The following GABRG2 variants were observed in gnomAD, a reference collection of about 807,000 sequenced individuals.
GABRG2 encodes gamma-aminobutyric acid type A receptor subunit gamma2.
A neutral mutation model predicts 56.4 loss-of-function variants in GABRG2; 16 were observed. The observed-to-expected ratio is 0.28, with a 90% CI of 0.19 to 0.43. GABRG2 has a LOEUF of 0.43. Among genes scored for constraint, GABRG2 ranks in the 20% least tolerant of loss-of-function variants. The pLI, the probability that GABRG2 is intolerant of heterozygous loss-of-function variation, is 1.00. For missense variants in GABRG2, 327 were observed against 582.7 expected (o/e 0.56, Z 4.52); for synonymous variants, 208 against 205.5 (o/e 1.01, Z -0.10).
chr5:162,096,809 T>A (rs1761032693), intron 3 of GABRG2, among the ~76,000 whole-genome samples: 1 of 152,078 alleles, frequency 6.6e-6, no homozygotes, highest in African/African-American at 2.4e-5. Flanking sequence ...TGGAAATAAT[T>A]ACAGTAATTT....
intron 1 of GABRG2, among the ~76,000 whole-genome samples, chr5:162,068,532 G>T (rs943518544): frequency 6.6e-6 from 1 of 151,112 alleles, no homozygotes; most frequent in Non-Finnish European, 1.5e-5. Flanking sequence ...GTGTGAGGGA[G>T]CTGGGGGGAG....
chr5:162,144,412 T>A (rs1425677154), intron 7 of GABRG2, among the ~76,000 whole-genome samples: 1 of 152,184 alleles, frequency 6.6e-6, no homozygotes, highest in Non-Finnish European at 1.5e-5. Context: ...AGTAAATAAG[T>A]GTTCACTGGC....
intron 1 of GABRG2, among the ~76,000 whole-genome samples, chr5:162,085,311 G>T (rs1224563868): frequency 6.6e-6 from 1 of 151,928 alleles, no homozygotes; most frequent in Non-Finnish European, 1.5e-5. Flanking sequence ...ATACACAAAT[G>T]AGAAAGTGAA....
intron 5 of GABRG2, chr5:162,101,655 C>T (rs1269895074): frequency 3.3e-6 from 1 of 305,350 alleles, no homozygotes; most frequent in Non-Finnish European, 6.2e-6. Flanking sequence ...ATTATATATC[C>T]TCTTCCTTTC....
intron 6 of GABRG2, among the ~76,000 whole-genome samples, chr5:162,109,420 A>ATATATATATATATATATATTTATTTATT (rs1424412323): frequency 1.7e-5 from 2 of 116,138 alleles, no homozygotes; most frequent in East Asian, 2.5e-4. Flanking sequence ...ATATATATAT[A>ATATATATATATATATATATTTATTTATT]TATTTATTTA....
chr5:162,079,328 T>C (rs1210397398), intron 1 of GABRG2, among the ~76,000 whole-genome samples: 1 of 152,156 alleles, frequency 6.6e-6, no homozygotes, highest in Non-Finnish European at 1.5e-5. Context: ...TTGTAAGTGA[T>C]ATATACCAAG....
intron 6 of GABRG2, among the ~76,000 whole-genome samples, chr5:162,141,726 A>G (rs1406819984): frequency 6.6e-6 from 1 of 152,202 alleles, no homozygotes; most frequent in Non-Finnish European, 1.5e-5. Flanking sequence ...AAGCACCAGG[A>G]TATCCTTGTA....
At chr5:162,147,469 A>T (rs1765050186) in intron 7 of GABRG2, among the ~76,000 whole-genome samples, 2 of 151,798 alleles carry the variant, frequency 1.3e-5, no homozygotes, top group South Asian at 4.2e-4. Context: ...TGTTCAAGTG[A>T]TTCTCCTGCC....
At chr5:162,115,523 A>C (rs1426271228) in intron 6 of GABRG2, among the ~76,000 whole-genome samples, 2 of 152,148 alleles carry the variant, frequency 1.3e-5, no homozygotes. Flanking sequence ...CTAAGGTCTG[A>C]TAAAATGAAT....
chr5:162,128,037 C>T (rs927817911), intron 6 of GABRG2, among the ~76,000 whole-genome samples: 6 of 152,036 alleles, frequency 3.9e-5, no homozygotes, highest in African/African-American at 1.4e-4. Flanking sequence ...AGACCATTTC[C>T]CAGAGAAATG....
At chr5:162,149,847 C>T (rs1478181866) in intron 8 of GABRG2, 27 of 329,368 alleles carry the variant, frequency 8.2e-5, no homozygotes, top group Non-Finnish European at 4.8e-5. Flanking sequence ...CTCCTGACCT[C>T]AGGTGATCCA....
At chr5:162,119,259 G>A (rs145642381) in intron 6 of GABRG2, among the ~76,000 whole-genome samples, 4 of 152,102 alleles carry the variant, frequency 2.6e-5, no homozygotes, top group African/African-American at 9.7e-5. Flanking sequence ...TCTCTATTCT[G>A]TCTGGGGCTG....
intron 6 of GABRG2, among the ~76,000 whole-genome samples, chr5:162,113,852 G>A (rs1426769075): frequency 6.6e-6 from 1 of 152,118 alleles, no homozygotes; most frequent in East Asian, 1.9e-4. Flanking sequence ...CTTATGGGTG[G>A]TTTCTTGTTA....
chr5:162,113,118 T>C (rs1011871575), intron 6 of GABRG2, among the ~76,000 whole-genome samples: 7 of 152,046 alleles, frequency 4.6e-5, no homozygotes, highest in Non-Finnish European at 8.8e-5. Flanking sequence ...TTTTGTATTT[T>C]TAATAGAGAC....
At chr5:162,133,208 A>G (rs1330983653) in intron 6 of GABRG2, among the ~76,000 whole-genome samples, 1 of 152,138 alleles carries the variant, frequency 6.6e-6, no homozygotes, top group Non-Finnish European at 1.5e-5. Context: ...TTATTCTTCA[A>G]ATCGACTGTC....
At chr5:162,105,461 G>T (rs1044091653) in intron 6 of GABRG2, among the ~76,000 whole-genome samples, 5 of 72,582 alleles carry the variant, frequency 6.9e-5, no homozygotes, top group Non-Finnish European at 1.4e-4. Context: ...AAGGAGTCTC[G>T]CTCTGTCTCC....
At chr5:162,114,218 T>C (rs1249225077) in intron 6 of GABRG2, among the ~76,000 whole-genome samples, 1 of 152,142 alleles carries the variant, frequency 6.6e-6, no homozygotes, top group African/African-American at 2.4e-5. Flanking sequence ...GGTAATACAA[T>C]CTCCAGTTTA....
intron 6 of GABRG2, among the ~76,000 whole-genome samples, chr5:162,116,357 C>T (rs933052553): frequency 1.3e-5 from 2 of 150,184 alleles, no homozygotes; most frequent in Non-Finnish European, 2.9e-5. Context: ...ACAAATAACC[C>T]TCAAAATCTC....
At chr5:162,145,161 A>G (rs1277873720) in intron 7 of GABRG2, among the ~76,000 whole-genome samples, 1 of 152,214 alleles carries the variant, frequency 6.6e-6, no homozygotes. Context: ...AGATAAATTT[A>G]TCCACGTTGA....
Sources: gnomAD v4.1 joint callset for allele counts (sites outside exome capture counted in the v4.1 genomes callset) on GRCh38, gnomAD v4.1.1 for gene constraint, MANE v1.5 for transcripts, NCBI Gene and HGNC (gene_info 2026-07-23, HGNC 2026-07-21) for gene names.